The following COL20A1 variants were observed in gnomAD, a reference collection of about 807,000 sequenced individuals.
COL20A1 encodes the protein collagen alpha-1(XX) chain.
COL20A1 carries 164 observed loss-of-function variants against 152.9 expected under a neutral mutation model. The observed-to-expected ratio is 1.07, with a 90% CI of 0.94 to 1.22. The LOEUF is 1.22. Among genes scored for constraint, COL20A1 ranks in the 50% most tolerant of loss-of-function variants. The probability of loss-of-function intolerance (pLI) is 0.00; values close to 1 mark genes in which losing one functional copy is unlikely to be tolerated. For synonymous variants in COL20A1, 864 were observed against 756.0 expected (o/e 1.14, Z -2.34); for missense variants, 1,873 against 1,744.8 (o/e 1.07, Z -1.31).
Position 63,311,247 on chromosome 20 carries a change from A to G in COL20A1, c.1394-147A>G. On this transcript the variant is annotated intron_variant, in intron 11 of 35. Coordinates refer to ENST00000358894, the MANE Select transcript of COL20A1 (RefSeq NM_020882.4). This position sits in a 1 kb window ranked among gnomAD's most constrained non-coding sequence, Gnocchi z 4.4. ...GAGCTGGAGCCACAAACCTTGGCCC[A>G]AGGTGAAGCCTGGGAAGTGCCACTT... 1 of 905,966 alleles carries G rather than the reference A, an allele frequency of 1.1e-6. No homozygotes were observed. The highest frequency in any genetic ancestry group is 1.6e-6 in the Non-Finnish European group (1 of 617,436). 56.1% of individuals were successfully genotyped at this position (905,966 alleles called of 1,614,324 possible). A position where few individuals can be genotyped will look rare whatever the true frequency, so the allele number is the denominator to read the frequency against.
chr20:63,312,313 G>A (rs1359331218), intron 14 of COL20A1, 107 bp from the exon 15 acceptor site: 1 of 1,304,288 alleles, frequency 7.7e-7, no homozygotes. Flanking sequence ...CCGTTTCTGG[G>A]GGGTCGTGGG....
In COL20A1 at chr20:63,294,737, G is replaced by C. The variant is rs539601966; in HGVS notation, c.-10-361G>C. Among the ~76,000 whole-genome samples, 5 of 152,274 alleles carry C rather than the reference G, an allele frequency of 3.3e-5. No homozygotes were observed. In the South Asian group the frequency reaches 1.0e-3, roughly 32 times the overall value. On this transcript the variant is annotated intron_variant, in intron 1 of 35. Coordinates refer to ENST00000358894, the MANE Select transcript of COL20A1 (RefSeq NM_020882.4). ...TGCCTCAGCCCTCCGTGGCCCTCGG[G>C]AGCCCCACAAGCAGGAGGCCCCGTG...
chr20:63,317,448 A>G (rs1331973132), intron 21 of COL20A1, among the ~76,000 whole-genome samples: 2 of 149,030 alleles, frequency 1.3e-5, no homozygotes, highest in Admixed American at 6.8e-5. Flanking sequence ...TGGGCACCAG[A>G]GCAATACTCC....
At chr20:63,322,402 CTGAGGCTTGGGGAGG>C (rs2123426857) in intron 27 of COL20A1, among the ~76,000 whole-genome samples, 1 of 152,316 alleles carries the variant, frequency 6.6e-6, no homozygotes, top group Admixed American at 6.5e-5. Context: ...GCAGGGGAAT[CTGAGGCTTGGGGAGG>C]TGAGGCCACC....
intron 3 of COL20A1, among the ~76,000 whole-genome samples, chr20:63,302,653 A>C (rs2067875355): frequency 6.6e-6 from 1 of 151,468 alleles, no homozygotes; most frequent in African/African-American, 2.4e-5. Context: ...GATTTGTCTG[A>C]ATTGGGGTGT....
In COL20A1 at chr20:63,319,043, C is replaced by A; in HGVS notation, c.2664-15C>A. The A allele has an allele frequency of 6.3e-7, 1 of 1,592,850 alleles. No homozygotes were observed. Among genetic ancestry groups the A allele is most frequent in the Non-Finnish European group, 8.6e-7 (1 of 1,163,064 alleles). ...GGGTCTGCTCATGTGCCTCTCCCTCCCCCAACCCCCACAGTGACGTCTACC... is the reference window on the plus strand; with the variant it reads ...GGGTCTGCTCATGTGCCTCTCCCTCACCCAACCCCCACAGTGACGTCTACC... On this transcript the variant is annotated splice_polypyrimidine_tract_variant and intron_variant, in intron 21 of 35. Transcript: ENST00000358894. This position sits in a 1 kb window ranked among gnomAD's most constrained non-coding sequence, Gnocchi z 4.4.
chr20:63,325,813 G>C (rs995158477), intron 29 of COL20A1, 92 bp downstream of exon 29: 224 of 1,184,860 alleles, frequency 1.9e-4, no homozygotes, highest in Non-Finnish European at 2.5e-4. Flanking sequence ...GGGGTAGGGA[G>C]GGGGAGGTGC....
chr20:63,302,322 T>C (rs1384729491), intron 3 of COL20A1, among the ~76,000 whole-genome samples: 1 of 152,116 alleles, frequency 6.6e-6, no homozygotes, highest in Non-Finnish European at 1.5e-5. Flanking sequence ...ATGTCTTTTA[T>C]TAATTAATTA....
chr20:63,328,427 C>G lies in COL20A1; in HGVS notation c.3710C>G (p.Ser1237Cys), dbSNP rs376331855. 3 of 1,612,322 alleles carry G rather than the reference C, an allele frequency of 1.9e-6. No individual in the cohort carries two copies. Among genetic ancestry groups the G allele is most frequent in the African/African-American group, 1.3e-5 (1 of 74,930 alleles). Residue 1237 changes from serine (S) to cysteine (C), a missense_variant, in exon 34 of 36, where the codon TCC becomes TGC. Physicochemically the swap from Ser to Cys is moderately radical, Grantham distance 112 (BLOSUM62 -1). Coordinates refer to ENST00000358894, the MANE Select transcript of COL20A1 (RefSeq NM_020882.4). The part of the protein sequence containing the change: ...KLEPGTEPLG[S>C]PGTRSKALVP... ...GAGCCGGGCACTGAGCCCCTGGGGT[C>G]CCCTGGCACCCGCAGCAAGGCCCTG...
In COL20A1 at chr20:63,320,450, G is replaced by C. The variant is rs945092925; in HGVS notation, c.3153+82G>C. ...AGGGTCACAGTGCCTGGGGTCAGTT[G>C]GCCTGTCCAGATTGTCACCGTGCTG... On this transcript the variant is annotated intron_variant, in intron 25 of 35. Transcript: ENST00000358894. The C allele has an allele frequency of 8.1e-6, 11 of 1,351,566 alleles. No individual in the cohort carries two copies. In the African/African-American group the frequency reaches 1.6e-4, roughly 19 times the overall value. The allele number at this position is 1,351,566 out of a possible 1,614,324, so 83.7% of individuals were successfully genotyped here.
At chr20:63,318,296 C>T (rs1322381516) in intron 21 of COL20A1, among the ~76,000 whole-genome samples, 1 of 152,184 alleles carries the variant, frequency 6.6e-6, no homozygotes, top group Non-Finnish European at 1.5e-5. Flanking sequence ...GGCCCCAGAC[C>T]AGTCTGCTCT....
At chr20:63,312,676 C>T in intron 15 of COL20A1, 116 bp from the exon 16 acceptor site, 4 of 1,457,654 alleles carry the variant, frequency 2.7e-6, no homozygotes, top group East Asian at 4.6e-5. Flanking sequence ...TGGGGATGGG[C>T]ACCCGGACGG....
intron 3 of COL20A1, among the ~76,000 whole-genome samples, chr20:63,301,040 C>T (rs1009520321): frequency 1.3e-5 from 2 of 152,188 alleles, no homozygotes; most frequent in East Asian, 1.9e-4. Flanking sequence ...GCTGGCCGGG[C>T]GTGGTGGCTC....
rs553387811 is a variant in COL20A1, at chr20:63,309,081, C to CAT, written c.941-251_941-250insTA. Among the ~76,000 whole-genome samples the CAT allele has an allele frequency of 5.3e-5, 8 of 152,312 alleles. No homozygotes were observed. The East Asian group carries it at 1.5e-3, about 29-fold the overall frequency. ...CTGGCATCCTCCAGGGCCTGGGACT[C>CAT]ACAGGCGAATCAACTCTGTCCTGTG... is the stretch of plus-strand genomic sequence containing the variant. On this transcript the variant is annotated intron_variant, in intron 8 of 35. Coordinates refer to ENST00000358894, the MANE Select transcript of COL20A1 (RefSeq NM_020882.4).
chr20:63,299,821 A>G (rs776179109), intron 3 of COL20A1, among the ~76,000 whole-genome samples: 8 of 151,466 alleles, frequency 5.3e-5, no homozygotes, highest in Non-Finnish European at 1.0e-4. Context: ...ATATATACAT[A>G]TATACATATA....
Position 63,305,928 on chromosome 20 carries a change from C to T in COL20A1, c.385C>T (p.Leu129Phe), listed in dbSNP as rs1311070364. Residue 129 changes from leucine (L) to phenylalanine (F), a missense_variant, in exon 5 of 36, where the codon CTC becomes TTC. Coordinates refer to ENST00000358894, the MANE Select transcript of COL20A1 (RefSeq NM_020882.4). The surrounding 1 kb of genome is among the most constrained non-coding windows in gnomAD (Gnocchi z 4.9). The stretch of plus-strand genomic sequence containing the variant: ...CCTGGACAGGAGCAGCCAGAGGCCC[C>T]TCGGCTCTGGAGCCCCGGAGCCCAC... ...SSLDRSSQRP[L>F]GSGAPEPTPS... 6.2e-7 allele frequency: 1 copy of T among 1,612,542 alleles called. No homozygotes were observed. Among genetic ancestry groups the T allele is most frequent in the Non-Finnish European group, 8.5e-7 (1 of 1,179,638 alleles).
chr20:63,315,777 G>T (rs986696637), intron 20 of COL20A1, among the ~76,000 whole-genome samples: 4 of 152,216 alleles, frequency 2.6e-5, no homozygotes, highest in Non-Finnish European at 5.9e-5. Context: ...CATTCGAGTT[G>T]CCTGAGAGTG....
chr20:63,295,758 T>A (rs1452747726), intron 2 of COL20A1, among the ~76,000 whole-genome samples: 1 of 152,238 alleles, frequency 6.6e-6, no homozygotes, highest in Non-Finnish European at 1.5e-5. Context: ...GGCTCACCTG[T>A]CTGAGCAGCT....
At chr20:63,309,101 C>A in intron 8 of COL20A1, among the ~76,000 whole-genome samples, 1 of 152,186 alleles carries the variant, frequency 6.6e-6, no homozygotes, top group South Asian at 2.1e-4. Flanking sequence ...TCAACTCTGT[C>A]CTGTGGGGAG....
Sources: allele counts gnomAD v4.1 joint callset (sites outside exome capture counted in the v4.1 genomes callset), GRCh38; gene constraint gnomAD v4.1.1; non-coding constraint Gnocchi (gnomAD v3.1); transcripts MANE v1.5; gene names NCBI Gene and HGNC (gene_info 2026-07-23, HGNC 2026-07-21).